RCC1L: variants seen among roughly 807,000 people sequenced by gnomAD.
RCC1L encodes the protein RCC1-like G exchanging factor-like protein.
RCC1L carries 46 observed loss-of-function variants against 58.6 expected under a neutral mutation model. That is an observed-to-expected ratio of 0.79 (90% confidence interval 0.62 to 1.00). The LOEUF is 1.00. RCC1L is among the 50% of genes least tolerant of loss of function. The pLI, the probability that RCC1L is intolerant of heterozygous loss-of-function variation, is 0.00. For missense variants in RCC1L, 636 were observed against 623.6 expected (o/e 1.02, Z -0.21); for synonymous variants, 281 against 262.9 (o/e 1.07, Z -0.67).
At chr7:75,043,801 C>A (rs924761923) in intron 10 of RCC1L, among the ~76,000 whole-genome samples, 2 of 152,108 alleles carry the variant, frequency 1.3e-5, no homozygotes, top group Non-Finnish European at 2.9e-5. Context: ...GGTGACAGAG[C>A]GAGACTCTGT....
downstream of RCC1L, among the ~76,000 whole-genome samples, chr7:75,038,106 G>A (rs994891531): frequency 2.0e-5 from 3 of 152,236 alleles, no homozygotes; most frequent in African/African-American, 7.2e-5. Context: ...ACAGAGCCTG[G>A]AGCAGATGCT....
downstream of RCC1L, among the ~76,000 whole-genome samples, chr7:75,040,217 T>C (rs1805521889): frequency 6.6e-6 from 1 of 152,216 alleles, no homozygotes; most frequent in Non-Finnish European, 1.5e-5. Context: ...CCCAGCACTT[T>C]TGGAGGCCGA....
At chr7:75,048,514 C>T (rs1563073347) in intron 10 of RCC1L, among the ~76,000 whole-genome samples, 2 of 152,248 alleles carry the variant, frequency 1.3e-5, no homozygotes, top group African/African-American at 4.8e-5. Context: ...TCCGTGTCCC[C>T]GTGTGCACAC....
chr7:75,070,825 T>C, intron 1 of RCC1L, 56 bp from the exon 2 acceptor site: 1 of 1,601,694 alleles, frequency 6.2e-7, no homozygotes, highest in South Asian at 1.1e-5. Context: ...GTTTGTTCAG[T>C]AGTAAATGAC....
chr7:75,046,405 C>T (rs925439157), intron 10 of RCC1L, among the ~76,000 whole-genome samples: 3 of 152,214 alleles, frequency 2.0e-5, no homozygotes, highest in Non-Finnish European at 2.9e-5. Context: ...CGCTTCCTCA[C>T]GGCTGCACTT....
chr7:75,049,828 G>A (rs1805851314), intron 10 of RCC1L, among the ~76,000 whole-genome samples: 1 of 152,122 alleles, frequency 6.6e-6, no homozygotes, highest in African/African-American at 2.4e-5. Context: ...GCAGTGAGCC[G>A]AGATCCTGTC....
chr7:75,063,244 A>C, intron 5 of RCC1L, 48 bp downstream of exon 5: 1 of 1,612,350 alleles, frequency 6.2e-7, no homozygotes, highest in Non-Finnish European at 8.5e-7. Context: ...CAACTTTTCA[A>C]AAGCACCCCA....
intron 6 of RCC1L, among the ~76,000 whole-genome samples, chr7:75,060,551 C>T (rs1415834324): frequency 1.3e-5 from 2 of 152,232 alleles, no homozygotes; most frequent in African/African-American, 2.4e-5. Context: ...CTGCCTCAGC[C>T]TTCCTAGTAG....
chr7:75,053,491 C>T (rs975326346), intron 9 of RCC1L, among the ~76,000 whole-genome samples: 3 of 152,184 alleles, frequency 2.0e-5, no homozygotes, highest in Admixed American at 6.6e-5. Context: ...CACAGGGCAT[C>T]TAATGACCAA....
chr7:75,069,977 G>A (rs587595356), intron 2 of RCC1L, among the ~76,000 whole-genome samples: 2 of 152,230 alleles, frequency 1.3e-5, no homozygotes, highest in Admixed American at 1.3e-4. Context: ...TCAAACATTT[G>A]GAATAAAGCC....
At chr7:75,035,869 G>A (rs1410241894) in intron 10 of RCC1L, among the ~76,000 whole-genome samples, 4 of 151,904 alleles carry the variant, frequency 2.6e-5, no homozygotes, top group African/African-American at 9.7e-5. Flanking sequence ...AGCCGGGCAT[G>A]GCTTGCGTGC....
intron 7 of RCC1L, chr7:75,058,217 G>T (rs1166112469): frequency 4.9e-5 from 15 of 305,334 alleles, no homozygotes; most frequent in South Asian, 2.5e-4. Context: ...GATTACAGGC[G>T]TGAGCCACCA....
chr7:75,073,589 T>C lies in RCC1L; in HGVS notation c.149A>G (p.Tyr50Cys). The C allele has an allele frequency of 6.5e-7, 1 of 1,530,588 alleles. No individual in the cohort carries two copies. Among genetic ancestry groups the C allele is most frequent in the Non-Finnish European group, 8.7e-7 (1 of 1,149,964 alleles). The allele number at this position is 1,530,588 out of a possible 1,614,324, so 94.8% of individuals were successfully genotyped here. The part of the protein sequence containing the change: ...EAEAEVPVVQ[Y>C]VGERAARADR... ...GGCGCGGGCAGCGCGCTCGCCCACGTACTGGACCACGGGCACCTCCGCCTC... is the reference window on the plus strand; with the variant it reads ...GGCGCGGGCAGCGCGCTCGCCCACGCACTGGACCACGGGCACCTCCGCCTC... Residue 50 changes from tyrosine to cysteine, a missense_variant, in exon 1 of 11, where the codon TAC becomes TGC. By Grantham distance (194) the Tyr-to-Cys change is radical. Transcript: ENST00000610322.
downstream of RCC1L, among the ~76,000 whole-genome samples, chr7:75,037,884 C>T (rs1027625263): frequency 6.6e-6 from 1 of 152,240 alleles, no homozygotes; most frequent in African/African-American, 2.4e-5. Context: ...GCACAGCTAT[C>T]AGGACTCCTA....
chr7:75,052,726 C>T lies in RCC1L; in HGVS notation c.1302G>A (p.Gln434=). The change falls in exon 10 of 11, where the codon CAG becomes CAA. Residue 434 remains glutamine, a synonymous_variant. Transcript: ENST00000610322. ...GCLGIGRLED[Q]YFPWRVTMPG... Reference sequence around the variant, plus strand: ...CCAGCCTTACCCTCCATGGGAAATACTGGTCCTCCAGGCGACCGATTCCCA... The same window carrying T: ...CCAGCCTTACCCTCCATGGGAAATATTGGTCCTCCAGGCGACCGATTCCCA... 4 of 1,612,366 alleles carry T rather than the reference C, an allele frequency of 2.5e-6. No homozygotes were observed. The highest frequency in any genetic ancestry group is 3.4e-6 in the Non-Finnish European group (4 of 1,179,426).
chr7:75,057,571 G>C lies in RCC1L; in HGVS notation c.1015C>G (p.Arg339Gly). The C allele has an allele frequency of 6.2e-7, 1 of 1,613,852 alleles. No homozygotes were observed. Among genetic ancestry groups the C allele is most frequent in the Non-Finnish European group, 8.5e-7 (1 of 1,179,820 alleles). ...CLHFSGVGKVRQAACGGTGCA... is the reference protein window; with the variant it reads ...CLHFSGVGKVGQAACGGTGCA... ...CCCGTGCCACCGCATGCAGCCTGTC[G>C]CACCTTCCCCACTCCTGAGAAGTGT... Residue 339 changes from arginine to glycine, a missense_variant, in exon 8 of 11, where the codon CGA (arginine) becomes GGA (glycine). By Grantham distance (125) the Arg-to-Gly change is moderately radical. Transcript: ENST00000610322.
intron 3 of RCC1L, among the ~76,000 whole-genome samples, chr7:75,066,096 G>A (rs1554445072): frequency 6.6e-6 from 1 of 151,698 alleles, no homozygotes; most frequent in African/African-American, 2.4e-5. Context: ...AGGCTGCCTT[G>A]TGTGCAGTTA....
chr7:75,056,687 G>T, intron 8 of RCC1L: 2 of 1,535,460 alleles, frequency 1.3e-6, no homozygotes, highest in South Asian at 2.4e-5. Flanking sequence ...CCACTCCAGA[G>T]GTTTGCTCTA....
In RCC1L at chr7:75,073,633, C is replaced by T; in HGVS notation, c.105G>A (p.Arg35=). 1.3e-6 allele frequency: 2 copies of T among 1,492,628 alleles called. No homozygotes were observed. The highest frequency in any genetic ancestry group is 1.8e-4 in the Middle Eastern group (1 of 5,406). 92.5% of individuals were successfully genotyped at this position (1,492,628 alleles called of 1,614,324 possible). The change falls in exon 1 of 11, where the codon CGG becomes CGA. Residue 35 remains arginine (R), a synonymous_variant. Coordinates refer to ENST00000610322, the MANE Select transcript of RCC1L (RefSeq NM_030798.5). The stretch of plus-strand genomic sequence containing the variant: ...CCGCCTCGGCTTCTGCCGCTTCGCG[C>T]CGGCTCCGGGAGCGCCCGGCCGCCG... ...HWTAAGRSRS[R]REAAEAEAEV... is the part of the protein sequence containing the mutation.
Sources: allele counts gnomAD v4.1 joint callset (sites outside exome capture counted in the v4.1 genomes callset), GRCh38; gene constraint gnomAD v4.1.1; transcripts MANE v1.5; gene names NCBI Gene and HGNC (gene_info 2026-07-23, HGNC 2026-07-21).